NTN1: variants seen among roughly 807,000 people sequenced by gnomAD.
NTN1 encodes netrin-1.
A neutral mutation model predicts 54.2 loss-of-function variants in NTN1; 11 were observed. The observed-to-expected ratio is 0.20, with a 90% CI of 0.13 to 0.34. The LOEUF is 0.34. NTN1 is among the 10% of genes least tolerant of loss of function. The pLI, the probability that NTN1 is intolerant of heterozygous loss-of-function variation, is 1.00. For synonymous variants in NTN1, 371 were observed against 382.0 expected, an observed-to-expected ratio of 0.97 and a Z score of 0.33; for missense variants, 740 against 893.1, an observed-to-expected ratio of 0.83 and a Z score of 2.18.
chr17:9,046,967 T>C (rs2091943225), intron 2 of NTN1, among the ~76,000 whole-genome samples: 1 of 152,236 alleles, frequency 6.6e-6, no homozygotes, highest in East Asian at 1.9e-4. Context: ...ATACAAATTT[T>C]TTGGTCTCCC....
chr17:9,161,271 T>C (rs2142297454), intron 2 of NTN1, among the ~76,000 whole-genome samples: 1 of 152,166 alleles, frequency 6.6e-6, no homozygotes, highest in South Asian at 2.1e-4. Context: ...AACGGGAGTG[T>C]CCTGGGAGGA....
chr17:9,150,511 G>C (rs535638909), intron 2 of NTN1, among the ~76,000 whole-genome samples: 1 of 152,210 alleles, frequency 6.6e-6, no homozygotes, highest in Non-Finnish European at 1.5e-5. Flanking sequence ...CAGAGGCTCC[G>C]GACTGGAACG....
intron 2 of NTN1, among the ~76,000 whole-genome samples, chr17:9,046,138 A>G (rs2091940718): frequency 6.6e-6 from 1 of 152,254 alleles, no homozygotes. Context: ...ATATTTGTAA[A>G]TCACGTGTGA....
chr17:9,182,220 C>T, intron 4 of NTN1, among the ~76,000 whole-genome samples: 1 of 129,478 alleles, frequency 7.7e-6, no homozygotes, highest in East Asian at 2.0e-4. Context: ...CTCAAGCCAT[C>T]CTCCCCAAAC....
chr17:9,225,094 C>G (rs1905490567), intron 6 of NTN1, among the ~76,000 whole-genome samples: 1 of 152,072 alleles, frequency 6.6e-6, no homozygotes, highest in Non-Finnish European at 1.5e-5. Flanking sequence ...AACCCCGTCT[C>G]TATTAAAAAT....
intron 2 of NTN1, among the ~76,000 whole-genome samples, chr17:9,138,434 G>T (rs1210127824): frequency 6.6e-6 from 1 of 152,060 alleles, no homozygotes; most frequent in African/African-American, 2.4e-5. Flanking sequence ...TACTTCCAGG[G>T]GGTAGGTGTC....
At chr17:9,051,444 G>C in intron 2 of NTN1, among the ~76,000 whole-genome samples, 1 of 152,210 alleles carries the variant, frequency 6.6e-6, no homozygotes. Context: ...ACAGGCCAAG[G>C]TGGGGCTCCT....
intron 5 of NTN1, among the ~76,000 whole-genome samples, chr17:9,207,052 C>T (rs368346831): frequency 3.2e-4 from 49 of 152,250 alleles, no homozygotes; most frequent in African/African-American, 1.1e-3. Flanking sequence ...CTTTGTCTGC[C>T]GCACAGTGGT....
In NTN1 at chr17:9,075,428, G is replaced by T. The variant is rs1028888078; in HGVS notation, c.1018+52037G>T. 2.0e-5 allele frequency among the ~76,000 whole-genome samples: 3 copies of T among 152,156 alleles called. No individual in the cohort carries two copies. The South Asian group carries it at 6.2e-4, about 32-fold the overall frequency. ...ACCTGGAAGGTGGAGGTTGTAGTGA[G>T]CCAAGATCACGCCACTGCACTCCAG... On this transcript the variant is annotated intron_variant, in intron 2 of 6. Coordinates refer to ENST00000173229, the MANE Select transcript of NTN1 (RefSeq NM_004822.3).
chr17:9,116,610 G>A (rs933465401), intron 2 of NTN1, among the ~76,000 whole-genome samples: 2 of 152,104 alleles, frequency 1.3e-5, no homozygotes, highest in African/African-American at 4.8e-5. Context: ...TGCCTGCCTC[G>A]GCTTGAAAAC....
chr17:9,080,698 C>T (rs2092067727), intron 2 of NTN1, among the ~76,000 whole-genome samples: 1 of 152,202 alleles, frequency 6.6e-6, no homozygotes, highest in African/African-American at 2.4e-5. Flanking sequence ...CCTGCCCCAC[C>T]TCCGGTGAAG....
At chr17:9,215,262 C>CACACACAA in intron 5 of NTN1, among the ~76,000 whole-genome samples, 1 of 138,740 alleles carries the variant, frequency 7.2e-6, no homozygotes, top group African/African-American at 2.6e-5. Context: ...CACACACACA[C>CACACACAA]ACACACACAC....
At chr17:9,031,673 G>A (rs2091888696) in intron 2 of NTN1, among the ~76,000 whole-genome samples, 1 of 152,166 alleles carries the variant, frequency 6.6e-6, no homozygotes, top group Non-Finnish European at 1.5e-5. Flanking sequence ...GACCAGGTGC[G>A]GTGGCTCACA....
At chr17:9,214,737 G>A (rs144725410) in intron 5 of NTN1, among the ~76,000 whole-genome samples, 50 of 152,144 alleles carry the variant, frequency 3.3e-4, no homozygotes, top group African/African-American at 1.1e-3. Flanking sequence ...CAGGAGAATC[G>A]CTTGAACCCA....
At chr17:9,204,546 C>T (rs189414313) in intron 5 of NTN1, among the ~76,000 whole-genome samples, 73 of 152,334 alleles carry the variant, frequency 4.8e-4, no homozygotes, top group African/African-American at 1.4e-3. Flanking sequence ...CTGCCTGCCT[C>T]GGCCTCCCAA....
At position 9,221,478 on chromosome 17, in the gene NTN1, G is replaced by T. The variant is rs113336696; in HGVS notation, c.1486+236G>T. On this transcript the variant is annotated intron_variant, in intron 6 of 6. Coordinates refer to ENST00000173229, the MANE Select transcript of NTN1 (RefSeq NM_004822.3). This position sits in a 1 kb window ranked among gnomAD's most constrained non-coding sequence, Gnocchi z 4.5. ...GGTTTCTCCCCTTCACCCTCCTGAGGCTGGGACACCCAGGCTGGCCTCTGG... is the reference window on the plus strand; with the variant it reads ...GGTTTCTCCCCTTCACCCTCCTGAGTCTGGGACACCCAGGCTGGCCTCTGG... Among the ~76,000 whole-genome samples the T allele has an allele frequency of 1.3e-5, 2 of 152,336 alleles. 1 individual carries two copies. Among genetic ancestry groups the T allele is most frequent in the African/African-American group, 4.8e-5 (2 of 41,590 alleles).
intron 2 of NTN1, among the ~76,000 whole-genome samples, chr17:9,082,032 G>T (rs936608307): frequency 6.6e-6 from 1 of 152,102 alleles, no homozygotes; most frequent in Admixed American, 6.6e-5. Flanking sequence ...AGACAAGCCT[G>T]AAGTTATCTG....
chr17:9,088,931 T>C (rs2092099106), intron 2 of NTN1, among the ~76,000 whole-genome samples: 1 of 152,168 alleles, frequency 6.6e-6, no homozygotes, highest in African/African-American at 2.4e-5. Flanking sequence ...ATGTCTGAAC[T>C]ATTTAAACGG....
At chr17:9,012,536 C>CAAAAAAAAAAAAAAAA in the NTN1 span, among the ~76,000 whole-genome samples, 1 of 132,814 alleles carries the variant, frequency 7.5e-6, no homozygotes, top group Non-Finnish European at 1.6e-5. Context: ...AAAAACAAAA[C>CAAAAAAAAAAAAAAAA]AAAAAAAAAA....
Sources: gnomAD v4.1 joint callset for allele counts (sites outside exome capture counted in the v4.1 genomes callset) on GRCh38, gnomAD v4.1.1 for gene constraint, Gnocchi (gnomAD v3.1) non-coding constraint, MANE v1.5 for transcripts, NCBI Gene and HGNC (gene_info 2026-07-23, HGNC 2026-07-21) for gene names.